ADAMTS20: variants seen among roughly 807,000 people sequenced by gnomAD.
The protein encoded by ADAMTS20 is ADAM metallopeptidase with thrombospondin type 1 motif 20, also known as A disintegrin and metalloproteinase with thrombospondin motifs 20.
Under a neutral mutation model 260.1 loss-of-function variants are expected in ADAMTS20, and 225 were observed. The observed-to-expected ratio is 0.87, with a 90% confidence interval of 0.78 to 0.97. The LOEUF (loss-of-function observed/expected upper bound fraction) is 0.97, where lower values mean the gene tolerates loss of function less well. Ranked by LOEUF, ADAMTS20 falls within the 50% of genes least tolerant of loss-of-function variation. ADAMTS20 has a pLI of 0.00. For synonymous variants in ADAMTS20, 802 were observed against 769.5 expected, an observed-to-expected ratio of 1.04 and a Z score of -0.70; for missense variants, 2,400 against 2,337.7, an observed-to-expected ratio of 1.03 and a Z score of -0.55.
chr12:43,464,186 G>A (rs1797689842), intron 10 of ADAMTS20, among the ~76,000 whole-genome samples: 1 of 151,950 alleles, frequency 6.6e-6, no homozygotes, highest in Non-Finnish European at 1.5e-5. Context: ...TCAAATATAT[G>A]TAAAGGAAAA....
chr12:43,401,344 G>C (rs1391365144), intron 28 of ADAMTS20, among the ~76,000 whole-genome samples: 2 of 151,854 alleles, frequency 1.3e-5, no homozygotes, highest in Non-Finnish European at 2.9e-5. Context: ...CCAAGAATCA[G>C]CCAGTAAATA....
intron 37 of ADAMTS20, among the ~76,000 whole-genome samples, chr12:43,358,832 G>C (rs1490787792): frequency 9.6e-6 from 1 of 104,214 alleles, no homozygotes; most frequent in Non-Finnish European, 1.8e-5. Context: ...GCGAAACTCC[G>C]TCTCAAAAAA....
At chr12:43,534,682 T>C (rs866342075) in intron 2 of ADAMTS20, among the ~76,000 whole-genome samples, 2 of 152,160 alleles carry the variant, frequency 1.3e-5, no homozygotes, top group Admixed American at 6.5e-5. Context: ...TGTAGTGATA[T>C]AGAAAGAACT....
chr12:43,491,247 A>C (rs369994434), intron 6 of ADAMTS20, among the ~76,000 whole-genome samples: 1 of 152,154 alleles, frequency 6.6e-6, no homozygotes, highest in African/African-American at 2.4e-5. Flanking sequence ...CATACTGTAC[A>C]GGTTTGTAGC....
intron 29 of ADAMTS20, among the ~76,000 whole-genome samples, chr12:43,392,823 C>A (rs1328683364): frequency 6.6e-6 from 1 of 152,048 alleles, no homozygotes; most frequent in Non-Finnish European, 1.5e-5. Context: ...TTCTCAGGGT[C>A]TTTTACTATT....
chr12:43,373,835 A>G (rs1391325891), intron 36 of ADAMTS20, among the ~76,000 whole-genome samples: 1 of 150,570 alleles, frequency 6.6e-6, no homozygotes, highest in Non-Finnish European at 1.5e-5. Context: ...GCCCGCCACT[A>G]CGCCCGGCTA....
intron 14 of ADAMTS20, among the ~76,000 whole-genome samples, chr12:43,448,000 CA>C (rs1195573704): frequency 1.3e-5 from 2 of 151,972 alleles, no homozygotes; most frequent in Admixed American, 1.3e-4. Context: ...ATGACACAAA[CA>C]AATGAAAAAT....
intron 2 of ADAMTS20, among the ~76,000 whole-genome samples, chr12:43,538,348 A>AT (rs1333509505): frequency 6.6e-6 from 1 of 152,164 alleles, no homozygotes; most frequent in African/African-American, 2.4e-5. Flanking sequence ...TCTTTTGCCC[A>AT]TTTTTTGATC....
At chr12:43,394,241 G>A (rs979060041) in intron 29 of ADAMTS20, among the ~76,000 whole-genome samples, 1 of 151,952 alleles carries the variant, frequency 6.6e-6, no homozygotes, top group Admixed American at 6.6e-5. Flanking sequence ...ATAAAATCAG[G>A]GCTCTTGCTA....
At chr12:43,531,346 T>A (rs949811651) in intron 3 of ADAMTS20, among the ~76,000 whole-genome samples, 1 of 151,984 alleles carries the variant, frequency 6.6e-6, no homozygotes, top group Admixed American at 6.6e-5. Flanking sequence ...CTGAAAAAAA[T>A]TAAATAATAC....
At chr12:43,502,519 GAAAAT>G in intron 3 of ADAMTS20, 114 bp from the exon 4 acceptor site, 1 of 928,118 alleles carries the variant, frequency 1.1e-6, no homozygotes, top group Non-Finnish European at 1.6e-6. Context: ...TTCCCAACAT[GAAAAT>G]AAAAGAACAA....
chr12:43,460,985 T>TTTG (rs1942051568), intron 11 of ADAMTS20, among the ~76,000 whole-genome samples: 1 of 60,986 alleles, frequency 1.6e-5, no homozygotes, highest in Admixed American at 2.3e-4. Flanking sequence ...TATATATATA[T>TTTG]ATATTTTTTT....
At chr12:43,492,743 G>A in intron 5 of ADAMTS20, 114 bp from the exon 6 acceptor site, 2 of 1,168,648 alleles carry the variant, frequency 1.7e-6, no homozygotes, top group Non-Finnish European at 2.4e-6. Context: ...GTGAATGAAG[G>A]AGTGACAGCA....
At chr12:43,418,556 G>A (rs1157917466) in intron 28 of ADAMTS20, among the ~76,000 whole-genome samples, 1 of 152,162 alleles carries the variant, frequency 6.6e-6, no homozygotes. Context: ...TGATCTGCCT[G>A]CCCCGGCCTC....
intron 36 of ADAMTS20, among the ~76,000 whole-genome samples, chr12:43,373,697 T>TTTTTTG: frequency 9.6e-6 from 1 of 104,188 alleles, no homozygotes; most frequent in African/African-American, 3.7e-5. Context: ...TTTTTTTTTT[T>TTTTTTG]GAGACGGAGT....
At chr12:43,366,609 G>A (rs180992834) in intron 37 of ADAMTS20, among the ~76,000 whole-genome samples, 55 of 151,908 alleles carry the variant, frequency 3.6e-4, no homozygotes, top group Admixed American at 2.9e-3. Flanking sequence ...AACACAGAGC[G>A]TGTTTTCCAG....
intron 3 of ADAMTS20, among the ~76,000 whole-genome samples, chr12:43,531,605 G>A (rs1356846486): frequency 1.3e-5 from 2 of 152,132 alleles, no homozygotes; most frequent in Middle Eastern, 3.2e-3. Context: ...GATGTAAAGA[G>A]TGGAATGGTG....
intron 7 of ADAMTS20, among the ~76,000 whole-genome samples, chr12:43,472,000 A>G (rs11182095): frequency 0.071 from 10,835 of 152,058 alleles, 599 homozygotes; most frequent in Non-Finnish European, 0.096. Context: ...GACTTTGACG[A>G]GCTGAGAGAA....
chr12:43,384,602 T>C (rs1364798958), intron 29 of ADAMTS20, among the ~76,000 whole-genome samples: 1 of 152,130 alleles, frequency 6.6e-6, no homozygotes, highest in Non-Finnish European at 1.5e-5. Context: ...ATGCCTCACC[T>C]TGTCCCCAAA....
Sources: allele counts gnomAD v4.1 joint callset (sites outside exome capture counted in the v4.1 genomes callset), GRCh38; gene constraint gnomAD v4.1.1; transcripts MANE v1.5; gene names NCBI Gene and HGNC (gene_info 2026-07-23, HGNC 2026-07-21).